The following PSME4 variants were observed in gnomAD, a reference collection of about 807,000 sequenced individuals.
PSME4 encodes proteasome activator complex subunit 4.
In PSME4, 89 loss-of-function variants were observed where a neutral mutation model predicts 253.9. The observed-to-expected ratio is 0.35, with a 90% CI of 0.30 to 0.42. PSME4 has a LOEUF of 0.42. PSME4 is among the 10% of genes least tolerant of loss of function. PSME4 has a pLI of 1.00. For missense variants in PSME4, 2,014 were observed against 2,195.2 expected, an observed-to-expected ratio of 0.92 and a Z score of 1.65; for synonymous variants, 851 against 759.2, an observed-to-expected ratio of 1.12 and a Z score of -1.99.
intron 43 of PSME4, among the ~76,000 whole-genome samples, chr2:53,874,105 G>A (rs1679014680): frequency 6.6e-6 from 1 of 152,142 alleles, no homozygotes; most frequent in African/African-American, 2.4e-5. Flanking sequence ...GGGATCACAG[G>A]TGCACACCAT....
intron 1 of PSME4, among the ~76,000 whole-genome samples, chr2:53,967,429 C>T (rs1202952750): frequency 6.6e-6 from 1 of 151,680 alleles, no homozygotes; most frequent in Non-Finnish European, 1.5e-5. Context: ...GCACACAGAT[C>T]ACCTGGGTTC....
chr2:53,908,364 G>A lies in PSME4; in HGVS notation c.2740C>T (p.Arg914Ter), dbSNP rs1162295962. ...TTTACTAAGTTGAAGCTTTTCCATCGGGAGTCAAATTCATGCTTGTGAGAT... is the reference window on the plus strand; with the variant it reads ...TTTACTAAGTTGAAGCTTTTCCATCAGGAGTCAAATTCATGCTTGTGAGAT... ...QGSHKHEFDS[R>*]WKSFNLVKKS... The change falls in exon 24 of 47, where the codon CGA (arginine) becomes TGA (stop). Residue 914 changes from arginine (R) to a stop codon, truncating the protein, a stop_gained. Coordinates refer to ENST00000404125, the MANE Select transcript of PSME4 (RefSeq NM_014614.3). LOFTEE classifies it high-confidence loss of function. 1.9e-6 allele frequency: 3 copies of A among 1,612,794 alleles called. No individual in the cohort carries two copies. Among genetic ancestry groups the A allele is most frequent in the African/African-American group, 2.7e-5 (2 of 74,860 alleles).
intron 33 of PSME4, 109 bp from the exon 34 acceptor site, chr2:53,895,185 T>A (rs1285207388): frequency 1.1e-6 from 1 of 889,784 alleles, no homozygotes; most frequent in South Asian, 1.7e-5. Context: ...AGATGCTAAG[T>A]TTGGGGAGAT....
chr2:53,886,900 C>A (rs1003014250), intron 40 of PSME4, among the ~76,000 whole-genome samples: 1 of 152,020 alleles, frequency 6.6e-6, no homozygotes. Flanking sequence ...ATGAAATAAG[C>A]CAGACACAAA....
At chr2:53,896,958 A>T in intron 31 of PSME4, 73 bp from the exon 32 acceptor site, 1 of 1,106,560 alleles carries the variant, frequency 9.0e-7, no homozygotes, top group Non-Finnish European at 1.4e-6. Context: ...CTTTACTCAA[A>T]GCAGAAATAG....
chr2:53,915,520 T>C (rs1668019059), intron 20 of PSME4, among the ~76,000 whole-genome samples: 1 of 151,822 alleles, frequency 6.6e-6, no homozygotes, highest in African/African-American at 2.4e-5. Flanking sequence ...TCACTTGAGC[T>C]CACAGACCAG....
At chr2:53,913,684 A>G (rs1437218014) in intron 20 of PSME4, among the ~76,000 whole-genome samples, 1 of 152,238 alleles carries the variant, frequency 6.6e-6, no homozygotes, top group African/African-American at 2.4e-5. Flanking sequence ...AACTATAAAC[A>G]CAAATGAAAA....
chr2:53,909,658 T>C (rs1448443825), intron 21 of PSME4, among the ~76,000 whole-genome samples: 6 of 152,142 alleles, frequency 3.9e-5, no homozygotes, highest in Non-Finnish European at 8.8e-5. Flanking sequence ...AACATCATAA[T>C]ACAAAACTAC....
intron 41 of PSME4, among the ~76,000 whole-genome samples, chr2:53,876,420 A>G (rs1426873161): frequency 2.0e-5 from 3 of 152,128 alleles, no homozygotes; most frequent in African/African-American, 7.2e-5. Context: ...TGGCTATTAG[A>G]TGTAAAGGTC....
chr2:53,970,641 G>C lies in PSME4; in HGVS notation c.144C>G (p.Ser48=). ...ATTTGATCTGGGCCAGCTGCAAGTC[G>C]GACTCGGCGTCTAGCCGCTCCGCGT... The part of the protein sequence containing the change: ...LPYAERLDAE[S]DLQLAQIKCN... Residue 48 remains serine, a synonymous_variant, in exon 1 of 47, where the codon TCC becomes TCG. Coordinates refer to ENST00000404125, the MANE Select transcript of PSME4 (RefSeq NM_014614.3). 4 of 1,550,146 alleles carry C rather than the reference G, an allele frequency of 2.6e-6. No individual in the cohort carries two copies. The highest frequency in any genetic ancestry group is 2.6e-6 in the Non-Finnish European group (3 of 1,146,932).
chr2:53,947,455 C>T (rs1195067392), intron 3 of PSME4, among the ~76,000 whole-genome samples: 1 of 152,178 alleles, frequency 6.6e-6, no homozygotes, highest in Non-Finnish European at 1.5e-5. Flanking sequence ...CCTGTAATCC[C>T]AGCACTTTGG....
chr2:53,917,246 G>C (rs1573283608), intron 20 of PSME4: 1 of 172,370 alleles, frequency 5.8e-6, no homozygotes, highest in East Asian at 1.9e-4. Flanking sequence ...GGGAAAAGCA[G>C]ATAAAAGGAT....
At chr2:53,902,592 C>T (rs1680463371) in intron 27 of PSME4, among the ~76,000 whole-genome samples, 1 of 152,046 alleles carries the variant, frequency 6.6e-6, no homozygotes, top group South Asian at 2.1e-4. Context: ...TAATTTTGTC[C>T]ATTTAAACTG....
chr2:53,923,274 G>C, intron 15 of PSME4, 47 bp downstream of exon 15: 2 of 1,548,884 alleles, frequency 1.3e-6, no homozygotes, highest in Non-Finnish European at 8.7e-7. Context: ...ATATAAACTA[G>C]TTGATTGTTG....
intron 37 of PSME4, among the ~76,000 whole-genome samples, chr2:53,889,616 C>T (rs1209327100): frequency 1.3e-5 from 2 of 152,148 alleles, no homozygotes; most frequent in African/African-American, 4.8e-5. Context: ...ATGTGACTAT[C>T]GCAGTTCAAG....
At chr2:53,906,464 C>T (rs1040619495) in intron 26 of PSME4, 134 bp downstream of exon 26, 13 of 1,290,576 alleles carry the variant, frequency 1.0e-5, no homozygotes, top group African/African-American at 1.5e-5. Flanking sequence ...CTGGAAATTA[C>T]AATTTCCAAT....
In PSME4 at chr2:53,895,741, G is replaced by A; in HGVS notation, c.3689-5C>T. On this transcript the variant is annotated splice_region_variant and splice_polypyrimidine_tract_variant and intron_variant, in intron 32 of 46. Coordinates refer to ENST00000404125, the MANE Select transcript of PSME4 (RefSeq NM_014614.3). ...GGGTGGGTTTAGGGCATCCACCTAA[G>A]GAAAAGACAATCACATTTGATGAAT... 4 of 1,567,736 alleles carry A rather than the reference G, an allele frequency of 2.6e-6. No individual in the cohort carries two copies. Among genetic ancestry groups the A allele is most frequent in the Non-Finnish European group, 3.4e-6 (4 of 1,162,700 alleles).
At chr2:53,872,741 C>CAAAAAA (rs61308177) in intron 43 of PSME4, among the ~76,000 whole-genome samples, 1 of 48,006 alleles carries the variant, frequency 2.1e-5, no homozygotes, top group Non-Finnish European at 3.9e-5. Flanking sequence ...GACTTGGTCT[C>CAAAAAA]AAAAAAAAAA....
At chr2:53,928,001 C>T (rs1360910027) in intron 11 of PSME4, 116 bp downstream of exon 11, 1 of 664,444 alleles carries the variant, frequency 1.5e-6, no homozygotes, top group Admixed American at 3.0e-5. Context: ...AATTATACAA[C>T]ATTTATTTTC....
Sources: gnomAD v4.1 joint callset for allele counts (sites outside exome capture counted in the v4.1 genomes callset) on GRCh38, gnomAD v4.1.1 for gene constraint, MANE v1.5 for transcripts, NCBI Gene and HGNC (gene_info 2026-07-23, HGNC 2026-07-21) for gene names.